The following CSMD3 variants were observed in gnomAD, a reference collection of about 807,000 sequenced individuals.
CSMD3 encodes the protein CUB and Sushi multiple domains 3.
Under a neutral mutation model 435.2 loss-of-function variants are expected in CSMD3, and 177 were observed. That is an observed-to-expected ratio of 0.41 (90% confidence interval 0.36 to 0.46). The LOEUF (loss-of-function observed/expected upper bound fraction) is 0.46, where lower values mean the gene tolerates loss of function less well. Among genes scored for constraint, CSMD3 ranks in the 20% least tolerant of loss-of-function variants. CSMD3 has a pLI of 0.34. For synonymous variants in CSMD3, 1,656 were observed against 1,520.5 expected, an observed-to-expected ratio of 1.09 and a Z score of -2.07; for missense variants, 4,265 against 4,504.6, an observed-to-expected ratio of 0.95 and a Z score of 1.52.
At chr8:112,971,672 C>T (rs1281913169) in intron 7 of CSMD3, among the ~76,000 whole-genome samples, 1 of 152,096 alleles carries the variant, frequency 6.6e-6, no homozygotes, top group Non-Finnish European at 1.5e-5. Context: ...ATTAAGTTCT[C>T]ATTTTGAGGA....
intron 13 of CSMD3, among the ~76,000 whole-genome samples, chr8:112,779,630 G>A (rs1307142028): frequency 1.3e-5 from 2 of 151,976 alleles, no homozygotes; most frequent in Admixed American, 6.6e-5. Flanking sequence ...CACCATCAAA[G>A]TGTCCATCAA....
intron 6 of CSMD3, among the ~76,000 whole-genome samples, chr8:113,011,949 T>G (rs2086270357): frequency 6.6e-6 from 1 of 151,762 alleles, no homozygotes; most frequent in Middle Eastern, 3.4e-3. Context: ...GTAAAATAAT[T>G]TTCTATGTTT....
chr8:112,975,731 C>T lies in CSMD3; in HGVS notation c.1342+106G>A, dbSNP rs2084820420. On this transcript the variant is annotated intron_variant, in intron 7 of 70. Transcript: ENST00000297405. ...CAGCTACTTTGAACTTTTTCTTTTG[C>T]TTTCTATATCTTGGCTCTCTTTCAG... The T allele has an allele frequency of 1.9e-6, 3 of 1,550,192 alleles. No homozygotes were observed. In the South Asian group the frequency reaches 3.6e-5, roughly 19 times the overall value.
Position 112,730,776 on chromosome 8 carries a change from C to T in CSMD3, c.1973-40726G>A, listed in dbSNP as rs1364386582. On this transcript the variant is annotated intron_variant, in intron 13 of 70. Coordinates refer to ENST00000297405, the MANE Select transcript of CSMD3 (RefSeq NM_198123.2). Reference sequence around the variant, plus strand: ...TCATGCAATGATTCTGTGATGGGCACGAAACACAAGTCAAGCAAATTAGAT... The same window carrying T: ...TCATGCAATGATTCTGTGATGGGCATGAAACACAAGTCAAGCAAATTAGAT... Among the ~76,000 whole-genome samples, 4 of 152,048 alleles carry T rather than the reference C, an allele frequency of 2.6e-5. No individual in the cohort carries two copies. In the South Asian group the frequency reaches 6.2e-4, roughly 24 times the overall value.
chr8:113,124,497 A>AG (rs1248843048), intron 4 of CSMD3, among the ~76,000 whole-genome samples: 3 of 151,266 alleles, frequency 2.0e-5, no homozygotes, highest in South Asian at 2.1e-4. Context: ...AAAAAGAAAA[A>AG]AAACCCTATG....
chr8:112,337,619 T>C lies in CSMD3; in HGVS notation c.6765A>G (p.Thr2255=), dbSNP rs1273982496. ...TISFECFPGY[T]LIGNSALTCL... ...ATGTGAGAGCTGAATTTCCAATTAA[T>C]GTGTATCCTGGGAAACATTCAAATG... is the stretch of plus-strand genomic sequence containing the variant. Residue 2255 remains threonine (T), a synonymous_variant, in exon 43 of 71, where the codon ACA becomes ACG. Transcript: ENST00000297405. 4 of 1,613,618 alleles carry C rather than the reference T, an allele frequency of 2.5e-6. No homozygotes were observed. The Admixed American group carries it at 5.0e-5, about 20-fold the overall frequency.
intron 59 of CSMD3, among the ~76,000 whole-genome samples, chr8:112,269,884 G>A (rs1352582710): frequency 6.6e-6 from 1 of 152,112 alleles, no homozygotes; most frequent in Non-Finnish European, 1.5e-5. Context: ...CTGTCAAAGT[G>A]TGCATAACAT....
At chr8:113,217,387 C>A (rs900529986) in intron 3 of CSMD3, among the ~76,000 whole-genome samples, 1 of 151,108 alleles carries the variant, frequency 6.6e-6, no homozygotes, top group Non-Finnish European at 1.5e-5. Context: ...AGAAACAAAC[C>A]AAGAAATGAC....
intron 3 of CSMD3, among the ~76,000 whole-genome samples, chr8:113,256,796 A>G (rs929609675): frequency 1.3e-5 from 2 of 152,190 alleles, no homozygotes; most frequent in Non-Finnish European, 2.9e-5. Flanking sequence ...AGACATTGCA[A>G]GTTTTAAGCA....
In CSMD3 at chr8:113,065,430, A is replaced by G. The variant is rs1284632154; in HGVS notation, c.917+33326T>C. 2.6e-5 allele frequency among the ~76,000 whole-genome samples: 4 copies of G among 152,070 alleles called. No homozygotes were observed. The East Asian group carries it at 7.7e-4, about 29-fold the overall frequency. ...CAGACGGAGTCTCGCTCTGTCGCCC[A>G]GGATGGAGTGCAGTGGCGCGATCTC... On this transcript the variant is annotated intron_variant, in intron 5 of 70. Transcript: ENST00000297405.
In CSMD3 at chr8:113,328,437, C is replaced by CAA. The variant is rs1192557099; in HGVS notation, c.179-13646_179-13645dup. Among the ~76,000 whole-genome samples, 21 of 62,992 alleles carry CAA rather than the reference C, an allele frequency of 3.3e-4. 1 individual carries two copies. Among genetic ancestry groups the CAA allele is most frequent in the South Asian group, 9.6e-4 (2 of 2,084 alleles). 41.3% of individuals were successfully genotyped at this position (62,992 alleles called of 152,430 possible). On this transcript the variant is annotated intron_variant, in intron 1 of 70. Coordinates refer to ENST00000297405, the MANE Select transcript of CSMD3 (RefSeq NM_198123.2). The stretch of plus-strand genomic sequence containing the variant: ...TGGGCGACAGAGCGAGACTCCGTCT[C>CAA]AAAAAAAAAAAAAAAAAAGATGAAA...
chr8:112,754,629 T>C (rs2077648623), intron 13 of CSMD3, among the ~76,000 whole-genome samples: 1 of 152,096 alleles, frequency 6.6e-6, no homozygotes, highest in African/African-American at 2.4e-5. Context: ...GGAAGTGACT[T>C]TAAGCATTCA....
chr8:112,730,610 C>T (rs758660373), intron 13 of CSMD3, among the ~76,000 whole-genome samples: 5 of 152,144 alleles, frequency 3.3e-5, no homozygotes, highest in South Asian at 2.1e-4. Flanking sequence ...GCAACCATAC[C>T]CTGATGTTGA....
chr8:112,941,395 T>C (rs1040856149), intron 9 of CSMD3, among the ~76,000 whole-genome samples: 1 of 151,770 alleles, frequency 6.6e-6, no homozygotes, highest in East Asian at 1.9e-4. Context: ...GAAAAACACA[T>C]TATTGTAGAT....
chr8:112,609,201 C>CAAAAAAAAAAAAAAAAAAAAAAA (rs71566035), intron 22 of CSMD3, among the ~76,000 whole-genome samples: 5 of 43,092 alleles, frequency 1.2e-4, no homozygotes, highest in Admixed American at 3.3e-4. Flanking sequence ...GATACTGCCT[C>CAAAAAAAAAAAAAAAAAAAAAAA]AAAAAAAAAA....
At chr8:113,103,550 G>T (rs1170793772) in intron 4 of CSMD3, among the ~76,000 whole-genome samples, 1 of 151,908 alleles carries the variant, frequency 6.6e-6, no homozygotes, top group Non-Finnish European at 1.5e-5. Context: ...TTTGGAATTT[G>T]GATTTATTCC....
At chr8:113,061,953 GT>G (rs1170442829) in intron 5 of CSMD3, among the ~76,000 whole-genome samples, 1 of 151,600 alleles carries the variant, frequency 6.6e-6, no homozygotes, top group East Asian at 1.9e-4. Flanking sequence ...ATGATACATA[GT>G]TTCTTATCAT....
At chr8:112,724,725 C>A (rs1020389017) in intron 13 of CSMD3, among the ~76,000 whole-genome samples, 1 of 151,850 alleles carries the variant, frequency 6.6e-6, no homozygotes, top group Admixed American at 6.6e-5. Context: ...AATCATGCAA[C>A]CCAGAGGTTA....
intron 63 of CSMD3, 87 bp downstream of exon 63, chr8:112,254,166 T>C: frequency 1.1e-6 from 1 of 921,742 alleles, no homozygotes; most frequent in Middle Eastern, 2.1e-4. Flanking sequence ...CATGACTTTT[T>C]GTTATGTCAA....
Sources: allele counts gnomAD v4.1 joint callset (sites outside exome capture counted in the v4.1 genomes callset), GRCh38; gene constraint gnomAD v4.1.1; transcripts MANE v1.5; gene names NCBI Gene and HGNC (gene_info 2026-07-23, HGNC 2026-07-21).